Variants in IKZF3 observed in about 807,000 individuals in gnomAD.
The protein encoded by IKZF3 is IKAROS family zinc finger 3.
IKZF3 carries 10 observed loss-of-function variants against 49.0 expected under a neutral mutation model. The observed-to-expected ratio is 0.20, with a 90% CI of 0.13 to 0.35. IKZF3 has a LOEUF of 0.35. Among genes scored for constraint, IKZF3 ranks in the 10% least tolerant of loss-of-function variants. The pLI is 1.00. For synonymous variants in IKZF3, 209 were observed against 228.2 expected (o/e 0.92, Z 0.76); for missense variants, 498 against 664.8 (o/e 0.75, Z 2.76).
chr17:39,850,919 T>C (rs898257913), intron 1 of IKZF3, among the ~76,000 whole-genome samples: 1 of 135,752 alleles, frequency 7.4e-6, no homozygotes, highest in Non-Finnish European at 1.5e-5. Context: ...ATATTATATA[T>C]ACATATATTA....
chr17:39,845,702 G>A (rs561749956), intron 1 of IKZF3, among the ~76,000 whole-genome samples: 2 of 152,160 alleles, frequency 1.3e-5, no homozygotes, highest in East Asian at 3.9e-4. Context: ...AGCTTATGGA[G>A]CCCTGTTCTA....
chr17:39,791,333 T>C, intron 5 of IKZF3, 83 bp downstream of exon 5: 1 of 1,420,650 alleles, frequency 7.0e-7, no homozygotes, highest in Non-Finnish European at 9.8e-7. Flanking sequence ...ATTGAAACCT[T>C]CCTACTTAAC....
intron 3 of IKZF3, among the ~76,000 whole-genome samples, chr17:39,820,164 C>A (rs926699997): frequency 9.2e-5 from 14 of 152,152 alleles, no homozygotes; most frequent in Admixed American, 2.0e-4. Context: ...AGAGTAGACA[C>A]TAAACAAAAC....
chr17:39,852,554 GCT>G (rs1479222105), intron 1 of IKZF3, among the ~76,000 whole-genome samples: 1 of 152,118 alleles, frequency 6.6e-6, no homozygotes, highest in Non-Finnish European at 1.5e-5. Flanking sequence ...CTCACTGACT[GCT>G]CTTTCTCTTT....
Position 39,761,295 on chromosome 17 carries a change from A to C in IKZF3, c.*4495T>G, listed in dbSNP as rs1567943391. 1 of 152,152 alleles carries C rather than the reference A, an allele frequency of 6.6e-6. No individual in the cohort carries two copies. Among genetic ancestry groups the C allele is most frequent in the Non-Finnish European group, 1.5e-5 (1 of 68,012 alleles). 9.4% of individuals were successfully genotyped at this position (152,152 alleles called of 1,614,324 possible). A position where few individuals can be genotyped will look rare whatever the true frequency, so the allele number is the denominator to read the frequency against. On this transcript the variant is annotated 3_prime_UTR_variant, in exon 8 of 8. Coordinates refer to ENST00000346872, the MANE Select transcript of IKZF3 (RefSeq NM_012481.5). ...TGGGAGAATAACTTGAGGAAACTAA[A>C]GACTGATGAGTTCATTTTCTCTCTT...
Position 39,760,226 on chromosome 17 carries a change from G to A in IKZF3, c.*5564C>T, listed in dbSNP as rs144087337. The A allele has an allele frequency of 3.5e-5, 5 of 144,418 alleles. No homozygotes were observed. The highest frequency in any genetic ancestry group is 1.3e-4 in the African/African-American group (5 of 37,962). 8.9% of individuals were successfully genotyped at this position (144,418 alleles called of 1,614,324 possible). A position where few individuals can be genotyped will look rare whatever the true frequency, so the allele number is the denominator to read the frequency against. ...GGCTGGATTGCAATGGCGCGATCTC[G>A]GCTCACTGCAACCTCCACCTCCCAG... On this transcript the variant is annotated 3_prime_UTR_variant, in exon 8 of 8. Transcript: ENST00000346872.
In IKZF3 at chr17:39,832,071, T is replaced by C. The variant is rs776039738; in HGVS notation, c.61+27A>G. On this transcript the variant is annotated intron_variant, in intron 2 of 7. Transcript: ENST00000346872. ...GGTATTTTTTTTAGTAAAGGTATAT[T>C]TCCAGAGAGGAAAGACCTGATGTTA... 5 of 1,566,158 alleles carry C rather than the reference T, an allele frequency of 3.2e-6. No individual in the cohort carries two copies. In the Admixed American group the frequency reaches 8.5e-5, roughly 27 times the overall value.
chr17:39,762,458 A>G lies in IKZF3; in HGVS notation c.*3332T>C, dbSNP rs2060202699. The stretch of plus-strand genomic sequence containing the variant: ...AAGTGCCTTTGTGAGTGGTCACCTT[A>G]CTCAGAAAACTAACCTCAGAAGAAT... On this transcript the variant is annotated 3_prime_UTR_variant, in exon 8 of 8. Coordinates refer to ENST00000346872, the MANE Select transcript of IKZF3 (RefSeq NM_012481.5). 1 of 152,192 alleles carries G rather than the reference A, an allele frequency of 6.6e-6. No individual in the cohort carries two copies. Among genetic ancestry groups the G allele is most frequent in the Middle Eastern group, 3.2e-3 (1 of 316 alleles). The allele number at this position is 152,192 out of a possible 1,614,324, so 9.4% of individuals were successfully genotyped here.
chr17:39,838,243 ATG>A (rs1292700674), intron 1 of IKZF3, among the ~76,000 whole-genome samples: 1 of 152,114 alleles, frequency 6.6e-6, no homozygotes, highest in African/African-American at 2.4e-5. Context: ...GTTCAATTAT[ATG>A]TGTGTTAGAT....
rs148595172 is a variant in IKZF3 at position 39,779,966 on chromosome 17, G to A, written c.710-2199C>T. 4.2e-3 allele frequency among the ~76,000 whole-genome samples: 645 copies of A among 152,282 alleles called. 4 individuals are homozygous for A. Among genetic ancestry groups the A allele is most frequent in the African/African-American group, 0.014 (602 of 41,540 alleles). ...TGTAATCCCAGTGCTTTGGGAGACTGAGGCAGGAAGATTGCTTGAGGCCAG... is the reference window on the plus strand; with the variant it reads ...TGTAATCCCAGTGCTTTGGGAGACTAAGGCAGGAAGATTGCTTGAGGCCAG... On this transcript the variant is annotated intron_variant, in intron 6 of 7. Coordinates refer to ENST00000346872, the MANE Select transcript of IKZF3 (RefSeq NM_012481.5).
intron 1 of IKZF3, among the ~76,000 whole-genome samples, chr17:39,854,119 C>A (rs2062968034): frequency 6.6e-6 from 1 of 152,020 alleles, no homozygotes; most frequent in East Asian, 1.9e-4. Context: ...GAGCAAGACT[C>A]CGTCTCAAAC....
intron 1 of IKZF3, among the ~76,000 whole-genome samples, chr17:39,863,854 T>C (rs575539529): frequency 6.6e-6 from 1 of 152,310 alleles, no homozygotes. Flanking sequence ...GCTCTTCCTC[T>C]GCAGATGTAG....
At chr17:39,848,299 T>G (rs1304705282) in intron 1 of IKZF3, among the ~76,000 whole-genome samples, 1 of 152,220 alleles carries the variant, frequency 6.6e-6, no homozygotes, top group East Asian at 1.9e-4. Flanking sequence ...CAACTGTTGT[T>G]AAAACAACAA....
chr17:39,778,011 C>T, intron 6 of IKZF3: 2 of 1,170,968 alleles, frequency 1.7e-6, no homozygotes, highest in Non-Finnish European at 2.1e-6. Context: ...CAACCAGTAC[C>T]TTCATTAGCA....
At position 39,763,108 on chromosome 17, in the gene IKZF3, C is replaced by T. The variant is rs2060217164; in HGVS notation, c.*2682G>A. The T allele has an allele frequency of 6.6e-6, 1 of 152,212 alleles. No homozygotes were observed. The highest frequency in any genetic ancestry group is 2.4e-5 in the African/African-American group (1 of 41,434). The allele number at this position is 152,212 out of a possible 1,614,324, so 9.4% of individuals were successfully genotyped here. The stretch of plus-strand genomic sequence containing the variant: ...TAAGCAATCTGGCATAGCTTGGAGT[C>T]TAGTATTACGGAAATACAGTGATAT... On this transcript the variant is annotated 3_prime_UTR_variant, in exon 8 of 8. Transcript: ENST00000346872.
chr17:39,815,958 C>A (rs1465591723), intron 3 of IKZF3, among the ~76,000 whole-genome samples: 1 of 152,112 alleles, frequency 6.6e-6, no homozygotes, highest in Non-Finnish European at 1.5e-5. Flanking sequence ...CATGCACAAA[C>A]AATTTCGAAC....
chr17:39,780,190 C>T (rs34233048), intron 6 of IKZF3, among the ~76,000 whole-genome samples: 3,601 of 149,654 alleles, frequency 0.024, 149 homozygotes, highest in African/African-American at 0.085. Flanking sequence ...ACTTTTGCAC[C>T]AACCTATTAG....
intron 1 of IKZF3, among the ~76,000 whole-genome samples, chr17:39,848,484 T>C (rs1222279540): frequency 2.6e-5 from 4 of 152,196 alleles, no homozygotes; most frequent in African/African-American, 9.7e-5. Flanking sequence ...TCTGGTAAAA[T>C]GATTGAATCT....
chr17:39,801,540 C>T, intron 3 of IKZF3, among the ~76,000 whole-genome samples: 1 of 152,148 alleles, frequency 6.6e-6, no homozygotes, highest in East Asian at 1.9e-4. Context: ...GTTACTGTCG[C>T]CCAATCTAGC....
Sources: gnomAD v4.1 joint callset for allele counts (sites outside exome capture counted in the v4.1 genomes callset) on GRCh38, gnomAD v4.1.1 for gene constraint, MANE v1.5 for transcripts, NCBI Gene and HGNC (gene_info 2026-07-23, HGNC 2026-07-21) for gene names.